PKD1L1: variants seen among roughly 807,000 people sequenced by gnomAD.
PKD1L1 encodes polycystin-1-like protein 1.
In PKD1L1, 236 loss-of-function variants were observed where a neutral mutation model predicts 323.4. The ratio of observed to expected loss-of-function variants is 0.73; its 90% confidence interval spans 0.66 to 0.81. PKD1L1 has a LOEUF of 0.81. Ranked by LOEUF, PKD1L1 falls within the 40% of genes least tolerant of loss-of-function variation. The pLI, the probability that PKD1L1 is intolerant of heterozygous loss-of-function variation, is 0.00. For missense variants in PKD1L1, 3,320 were observed against 3,508.0 expected (o/e 0.95, Z 1.35); for synonymous variants, 1,344 against 1,335.0 (o/e 1.01, Z -0.15).
intron 8 of PKD1L1, among the ~76,000 whole-genome samples, chr7:47,908,667 T>C (rs1202378490): frequency 6.6e-6 from 1 of 152,212 alleles, no homozygotes; most frequent in Non-Finnish European, 1.5e-5. Flanking sequence ...ATAACTATGA[T>C]GATGGATGAC....
chr7:47,849,588 C>G (rs1030502184), intron 31 of PKD1L1, among the ~76,000 whole-genome samples: 4 of 152,076 alleles, frequency 2.6e-5, no homozygotes, highest in Non-Finnish European at 4.4e-5. Flanking sequence ...AAAAAATACT[C>G]AACACCACTA....
intron 37 of PKD1L1, among the ~76,000 whole-genome samples, chr7:47,835,643 T>C (rs532765107): frequency 2.0e-5 from 3 of 152,252 alleles, no homozygotes; most frequent in Non-Finnish European, 4.4e-5. Flanking sequence ...TCAGGTGATC[T>C]GCCCACCTCA....
chr7:47,892,869 C>T (rs191831334), intron 15 of PKD1L1, among the ~76,000 whole-genome samples: 1 of 151,538 alleles, frequency 6.6e-6, no homozygotes, highest in African/African-American at 2.4e-5. Context: ...TGGTGTGGAA[C>T]TGATGTTTAA....
chr7:47,845,018 C>T lies in PKD1L1; in HGVS notation c.5214G>A (p.Val1738=), dbSNP rs938303566. Residue 1738 remains valine (V), a synonymous_variant, in exon 33 of 57, where the codon GTG becomes GTA. Coordinates refer to ENST00000289672, the MANE Select transcript of PKD1L1 (RefSeq NM_138295.5). ...LRRKLKASFE[V]SDISKLQSHP... ...ACCTCTGTAGCTTGGAAATGTCACT[C>T]ACTTCAAAACTGGCCTTCAGCTTTC... The T allele has an allele frequency of 1.9e-6, 3 of 1,613,802 alleles. No homozygotes were observed. The highest frequency in any genetic ancestry group is 2.5e-6 in the Non-Finnish European group (3 of 1,179,860).
At chr7:47,830,177 C>T (rs1785317038) in intron 42 of PKD1L1, 53 bp from the exon 43 acceptor site, 1 of 1,469,934 alleles carries the variant, frequency 6.8e-7, no homozygotes, top group South Asian at 1.2e-5. Context: ...GCAGGCCACC[C>T]AGCAGTCATT....
chr7:47,863,465 C>A, intron 26 of PKD1L1, among the ~76,000 whole-genome samples: 1 of 151,940 alleles, frequency 6.6e-6, no homozygotes, highest in East Asian at 1.9e-4. Flanking sequence ...AGGCCCAAGA[C>A]AAAGCTCTGA....
In PKD1L1 at chr7:47,836,960, C is replaced by A. The variant is rs138233374; in HGVS notation, c.5904G>T (p.Ala1968=). The stretch of plus-strand genomic sequence containing the variant: ...CAGCAGCAACCAGGGCAGTGAGACA[C>A]GCGTAGACGCACAGCAGGGAGAAGG... ...TVSFSLLCVY[A]CLTALVAAGG... is the part of the protein sequence containing the mutation. Residue 1968 remains alanine (A), a synonymous_variant, in exon 37 of 57, where the codon GCG becomes GCT. Coordinates refer to ENST00000289672, the MANE Select transcript of PKD1L1 (RefSeq NM_138295.5). 5.0e-6 allele frequency: 8 copies of A among 1,614,024 alleles called. No homozygotes were observed. Among genetic ancestry groups the A allele is most frequent in the East Asian group, 2.2e-5 (1 of 44,900 alleles).
chr7:47,957,608 AACCAAT>A, the PKD1L1 span, among the ~76,000 whole-genome samples: 1 of 152,010 alleles, frequency 6.6e-6, no homozygotes, highest in African/African-American at 2.4e-5. Flanking sequence ...CCCTGGGCTC[AACCAAT>A]CCTCCCACCT....
chr7:47,905,419 G>A (rs1562983503), intron 10 of PKD1L1, 94 bp from the exon 11 acceptor site: 3 of 1,357,542 alleles, frequency 2.2e-6, no homozygotes, highest in Non-Finnish European at 3.0e-6. Context: ...CTTGGTCATG[G>A]GCTTGAGTGA....
intron 7 of PKD1L1, among the ~76,000 whole-genome samples, chr7:47,924,498 G>A (rs755246479): frequency 6.6e-6 from 1 of 152,156 alleles, no homozygotes; most frequent in Admixed American, 6.5e-5. Context: ...GCAACCCTCA[G>A]TTACGTGACT....
intron 56 of PKD1L1, among the ~76,000 whole-genome samples, chr7:47,781,734 G>A (rs1353639863): frequency 6.6e-6 from 1 of 151,996 alleles, no homozygotes; most frequent in Non-Finnish European, 1.5e-5. Context: ...AATTTTTAAA[G>A]TTCCAATTTC....
At position 47,840,871 on chromosome 7, in the gene PKD1L1, G is replaced by A. The variant is rs764987299; in HGVS notation, c.5446-304C>T. Reference sequence around the variant, plus strand: ...AGGGCATTTGTTTTCTCATGAGGGCGGGAGAACACCACGGTGGGCACACCA... The same window carrying A: ...AGGGCATTTGTTTTCTCATGAGGGCAGGAGAACACCACGGTGGGCACACCA... On this transcript the variant is annotated intron_variant, in intron 34 of 56. Coordinates refer to ENST00000289672, the MANE Select transcript of PKD1L1 (RefSeq NM_138295.5). The surrounding 1 kb of genome is among the most constrained non-coding windows in gnomAD (Gnocchi z 4.1). Among the ~76,000 whole-genome samples the A allele has an allele frequency of 2.0e-5, 3 of 152,316 alleles. No homozygotes were observed. Among genetic ancestry groups the A allele is most frequent in the Admixed American group, 1.3e-4 (2 of 15,298 alleles).
At chr7:47,894,127 C>G (rs992559088) in intron 14 of PKD1L1, 68 bp from the exon 15 acceptor site, 31 of 1,406,668 alleles carry the variant, frequency 2.2e-5, no homozygotes, top group Non-Finnish European at 6.7e-6. Flanking sequence ...GAGAAACACA[C>G]TAGTCTGAAA....
intron 49 of PKD1L1, among the ~76,000 whole-genome samples, chr7:47,812,460 AC>A (rs1169119147): frequency 6.6e-6 from 1 of 152,186 alleles, no homozygotes; most frequent in Non-Finnish European, 1.5e-5. Context: ...GTTACTAAAT[AC>A]TAACTCGTAT....
intron 8 of PKD1L1, among the ~76,000 whole-genome samples, chr7:47,912,832 A>G (rs1233788466): frequency 1.8e-4 from 28 of 151,478 alleles, no homozygotes; most frequent in Non-Finnish European, 3.4e-4. Flanking sequence ...AAAAAAAAAA[A>G]AAAAAAGAAA....
intron 46 of PKD1L1, among the ~76,000 whole-genome samples, chr7:47,816,280 T>C (rs1484234046): frequency 6.6e-6 from 1 of 152,262 alleles, no homozygotes; most frequent in African/African-American, 2.4e-5. Context: ...ATTATGTTTA[T>C]AGATATGCTT....
At chr7:47,910,760 G>A (rs150357825) in intron 8 of PKD1L1, among the ~76,000 whole-genome samples, 2,309 of 150,346 alleles carry the variant, frequency 0.015, 59 homozygotes, top group African/African-American at 0.054. Context: ...GGATTCAAGC[G>A]ATTCTCCTGC....
intron 56 of PKD1L1, among the ~76,000 whole-genome samples, chr7:47,780,850 A>G (rs1333812377): frequency 6.6e-6 from 1 of 152,228 alleles, no homozygotes; most frequent in Non-Finnish European, 1.5e-5. Context: ...AGGTGTCACA[A>G]ATAAAGCTGC....
chr7:47,885,572 AT>A, intron 18 of PKD1L1, 113 bp downstream of exon 18: 1 of 1,397,964 alleles, frequency 7.2e-7, no homozygotes, highest in Non-Finnish European at 9.6e-7. Context: ...GCGCTTTCTG[AT>A]TTAAAGGCCC....
Sources: gnomAD v4.1 joint callset for allele counts (sites outside exome capture counted in the v4.1 genomes callset) on GRCh38, gnomAD v4.1.1 for gene constraint, Gnocchi (gnomAD v3.1) non-coding constraint, MANE v1.5 for transcripts, NCBI Gene and HGNC (gene_info 2026-07-23, HGNC 2026-07-21) for gene names.